Variants in LIMS1 observed in about 807,000 individuals in gnomAD.
LIMS1 encodes the protein LIM zinc finger domain containing 1, also known as LIM and senescent cell antigen-like-containing domain protein 1.
A neutral mutation model predicts 44.1 loss-of-function variants in LIMS1; 18 were observed. The observed-to-expected ratio is 0.41, with a 90% CI of 0.28 to 0.61. The LOEUF (loss-of-function observed/expected upper bound fraction) is 0.61, where lower values mean the gene tolerates loss of function less well. Among genes scored for constraint, LIMS1 ranks in the 20% least tolerant of loss-of-function variants. The probability of loss-of-function intolerance (pLI) is 0.32; values close to 1 mark genes in which losing one functional copy is unlikely to be tolerated. For synonymous variants in LIMS1, 93 were observed against 149.1 expected, an observed-to-expected ratio of 0.62 and a Z score of 2.74; for missense variants, 201 against 422.0, an observed-to-expected ratio of 0.48 and a Z score of 4.59.
chr2:108,540,935 A>G (rs999998954), intron 1 of LIMS1, among the ~76,000 whole-genome samples: 4 of 152,220 alleles, frequency 2.6e-5, no homozygotes, highest in Non-Finnish European at 5.9e-5. Context: ...TGTCTACAGT[A>G]TAGAGTAAAT....
At chr2:108,579,351 A>G (rs1685800276) in intron 1 of LIMS1, among the ~76,000 whole-genome samples, 1 of 152,188 alleles carries the variant, frequency 6.6e-6, no homozygotes, top group African/African-American at 2.4e-5. Context: ...TACTCAGTGT[A>G]CCTTCTACCA....
chr2:108,575,657 TG>T, intron 1 of LIMS1, among the ~76,000 whole-genome samples: 1 of 152,354 alleles, frequency 6.6e-6, no homozygotes, highest in Middle Eastern at 3.4e-3. Flanking sequence ...TTGCAGGGTT[TG>T]CTGCAGCCCA....
chr2:108,535,020 T>G (rs1306795322), intron 1 of LIMS1, among the ~76,000 whole-genome samples: 1 of 152,226 alleles, frequency 6.6e-6, no homozygotes, highest in African/African-American at 2.4e-5. Context: ...CTGAAGTTAC[T>G]ATTAACTCAT....
chr2:108,546,503 G>A (rs1385898815), intron 1 of LIMS1, among the ~76,000 whole-genome samples: 1 of 151,860 alleles, frequency 6.6e-6, no homozygotes, highest in Non-Finnish European at 1.5e-5. Context: ...CTCTGGTTAG[G>A]ATGGCCTCTG....
intron 1 of LIMS1, among the ~76,000 whole-genome samples, chr2:108,595,008 C>G (rs1226554795): frequency 6.6e-6 from 1 of 152,166 alleles, no homozygotes; most frequent in Non-Finnish European, 1.5e-5. Flanking sequence ...ATGGAAAGCT[C>G]TGTGGAAGGA....
rs530197965 is a variant in LIMS1, at chr2:108,633,689, T to C, written c.33-25916T>C. ...GGTTAAAGGTTTGACTTAAAAGACT[T>C]GGTTGGCCCAGAGTCATACAAGTGC... On this transcript the variant is annotated intron_variant, in intron 1 of 9. Transcript: ENST00000544547. Among the ~76,000 whole-genome samples the C allele has an allele frequency of 2.6e-5, 4 of 152,364 alleles. No individual in the cohort carries two copies. In the South Asian group the frequency reaches 8.3e-4, roughly 32 times the overall value.
chr2:108,552,570 T>C (rs1167305721), intron 1 of LIMS1, among the ~76,000 whole-genome samples: 1 of 131,348 alleles, frequency 7.6e-6, no homozygotes, highest in Non-Finnish European at 1.6e-5. Context: ...TTGGGGTGTA[T>C]ATATATATAT....
intron 1 of LIMS1, among the ~76,000 whole-genome samples, chr2:108,630,211 A>G (rs74904541): frequency 4.7e-5 from 6 of 128,848 alleles, no homozygotes; most frequent in African/African-American, 1.6e-4. Context: ...AAAAAAAAAA[A>G]AAAAGAAAGA....
At chr2:108,675,843 C>T (rs776727751) in intron 5 of LIMS1, 35 bp from the exon 6 acceptor site, 1 of 1,613,736 alleles carries the variant, frequency 6.2e-7, no homozygotes, top group Non-Finnish European at 8.5e-7. Flanking sequence ...ACTTTTCTCT[C>T]TTAGTATTAA....
At chr2:108,600,216 AT>A (rs1174659715) in intron 1 of LIMS1, among the ~76,000 whole-genome samples, 2 of 150,192 alleles carry the variant, frequency 1.3e-5, no homozygotes, top group Non-Finnish European at 3.0e-5. Flanking sequence ...CGCCCGGCTG[AT>A]TTTTTGTATT....
chr2:108,618,575 C>G (rs1001636502), intron 1 of LIMS1, among the ~76,000 whole-genome samples: 1 of 152,014 alleles, frequency 6.6e-6, no homozygotes, highest in South Asian at 2.1e-4. Context: ...GCCTGTAATC[C>G]CAGCCCGTTG....
chr2:108,612,019 C>CATATATTATAT (rs1687672940), intron 1 of LIMS1, among the ~76,000 whole-genome samples: 2 of 67,398 alleles, frequency 3.0e-5, no homozygotes, highest in African/African-American at 4.5e-5. Flanking sequence ...TATATATATA[C>CATATATTATAT]ACACACATAT....
chr2:108,625,140 C>T (rs1054224496), intron 1 of LIMS1, among the ~76,000 whole-genome samples: 1 of 152,200 alleles, frequency 6.6e-6, no homozygotes, highest in Non-Finnish European at 1.5e-5. Context: ...CCAAATCTGG[C>T]CTGCTGCCTT....
chr2:108,644,210 C>A (rs1689910575), intron 1 of LIMS1, among the ~76,000 whole-genome samples: 1 of 152,260 alleles, frequency 6.6e-6, no homozygotes, highest in Non-Finnish European at 1.5e-5. Context: ...TGTATCCTAA[C>A]TGGGAGACAC....
Position 108,542,820 on chromosome 2 carries a change from C to T in LIMS1, c.32+8226C>T, listed in dbSNP as rs1684358667. ...ATGACTTCCTTGGCTGCTTCAACAC[C>T]TATTAGGCTTTCTTTTCTTGACCTC... is the stretch of plus-strand genomic sequence containing the variant. On this transcript the variant is annotated intron_variant, in intron 1 of 9. Coordinates refer to ENST00000544547, the Ensembl canonical transcript of LIMS1. 2.0e-5 allele frequency among the ~76,000 whole-genome samples: 3 copies of T among 152,280 alleles called. No individual in the cohort carries two copies. The South Asian group carries it at 6.2e-4, about 32-fold the overall frequency.
chr2:108,586,522 A>C (rs1686111617), intron 1 of LIMS1, among the ~76,000 whole-genome samples: 1 of 152,190 alleles, frequency 6.6e-6, no homozygotes, highest in Non-Finnish European at 1.5e-5. Flanking sequence ...TGAGAGAAGA[A>C]AGGGATGAGG....
intron 1 of LIMS1, among the ~76,000 whole-genome samples, chr2:108,536,326 C>T (rs1017392007): frequency 5.9e-5 from 9 of 152,244 alleles, no homozygotes; most frequent in African/African-American, 1.9e-4. Flanking sequence ...TCTCCATTCC[C>T]CTCCTCCCGC....
chr2:108,561,449 T>G (rs1012188392), intron 1 of LIMS1, among the ~76,000 whole-genome samples: 8 of 152,166 alleles, frequency 5.3e-5, no homozygotes, highest in Non-Finnish European at 1.2e-4. Context: ...TAATTTGTAT[T>G]GAGGCAGAAC....
At chr2:108,555,429 C>T (rs938515172) in intron 1 of LIMS1, among the ~76,000 whole-genome samples, 5 of 152,126 alleles carry the variant, frequency 3.3e-5, no homozygotes, top group Non-Finnish European at 7.3e-5. Flanking sequence ...GGATCTCCCT[C>T]TGCCTCTCAT....
Sources: gnomAD v4.1 joint callset for allele counts (sites outside exome capture counted in the v4.1 genomes callset) on GRCh38, gnomAD v4.1.1 for gene constraint, MANE v1.5 for transcripts, NCBI Gene and HGNC (gene_info 2026-07-23, HGNC 2026-07-21) for gene names.